Variants in GCG observed in about 807,000 individuals in gnomAD.
GCG encodes pro-glucagon.
Under a neutral mutation model 22.8 loss-of-function variants are expected in GCG, and 11 were observed. The observed-to-expected ratio is 0.48, with a 90% CI of 0.30 to 0.80. The LOEUF (loss-of-function observed/expected upper bound fraction) is 0.80, where lower values mean the gene tolerates loss of function less well. GCG is among the 30% of genes least tolerant of loss of function. The probability of loss-of-function intolerance (pLI) is 0.06; values close to 1 mark genes in which losing one functional copy is unlikely to be tolerated. For missense variants in GCG, 222 were observed against 222.0 expected (o/e 1.00, Z 0.00); for synonymous variants, 89 against 72.4 (o/e 1.23, Z -1.16).
In GCG at chr2:162,147,609, A is replaced by G. The variant is rs1302337254; in HGVS notation, c.93-95T>C. The G allele has an allele frequency of 3.8e-6, 4 of 1,051,114 alleles. No homozygotes were observed. In the East Asian group the frequency reaches 9.5e-5, roughly 25 times the overall value. The allele number at this position is 1,051,114 out of a possible 1,614,324, so 65.1% of individuals were successfully genotyped here. ...ACTACAAAATACAAGACCATATAAAACAGTAAGGCAGGCATCTAGAGTATT... is the reference window on the plus strand; with the variant it reads ...ACTACAAAATACAAGACCATATAAAGCAGTAAGGCAGGCATCTAGAGTATT... On this transcript the variant is annotated intron_variant, in intron 2 of 5. Transcript: ENST00000418842.
chr2:162,149,372 G>A, intron 1 of GCG, among the ~76,000 whole-genome samples, 185 bp from the exon 2 acceptor site: 1 of 152,040 alleles, frequency 6.6e-6, no homozygotes, highest in Non-Finnish European at 1.5e-5. Context: ...TATTTCCCCA[G>A]ATTTTTTGGA....
intron 2 of GCG, among the ~76,000 whole-genome samples, chr2:162,147,889 T>C (rs909548610): frequency 6.6e-6 from 1 of 152,130 alleles, no homozygotes; most frequent in Admixed American, 6.6e-5. Flanking sequence ...GGGCAGCAGA[T>C]TTAAGCTCCC....
chr2:162,144,086 A>G lies in GCG; in HGVS notation c.477T>C (p.Leu159=). 6.2e-7 allele frequency: 1 copy of G among 1,612,990 alleles called. No individual in the cohort carries two copies. Among genetic ancestry groups the G allele is most frequent in the East Asian group, 2.2e-5 (1 of 44,860 alleles). ...TAAAGTCCCTGGCGGCAAGATTATCAAGAATGGTGTTCATCTCATCAGAGA... is the reference window on the plus strand; with the variant it reads ...TAAAGTCCCTGGCGGCAAGATTATCGAGAATGGTGTTCATCTCATCAGAGA... ...GSFSDEMNTI[L]DNLAARDFIN... The change falls in exon 5 of 6, where the codon CTT becomes CTC. Residue 159 remains leucine, a synonymous_variant. Coordinates refer to ENST00000418842, the MANE Select transcript of GCG (RefSeq NM_002054.5).
At chr2:162,144,356 T>C in intron 4 of GCG, 186 bp from the exon 5 acceptor site, 4 of 575,596 alleles carry the variant, frequency 6.9e-6, no homozygotes, top group Non-Finnish European at 1.2e-5. Context: ...AAAGAGAAAG[T>C]AGCAGAGCTG....
chr2:162,149,131 T>C lies in GCG; in HGVS notation c.48A>G (p.Gln16=), dbSNP rs1019076633. Residue 16 remains glutamine, a synonymous_variant, in exon 2 of 6, where the codon CAA becomes CAG. Transcript: ENST00000418842. The part of the protein sequence containing the change: ...FVAGLFVMLV[Q]GSWQRSLQDT... ...CTTGAAGGGAACGTTGCCAGCTGCC[T>C]TGTACCAGCATTACAAATAATCCAG... The C allele has an allele frequency of 5.6e-6, 9 of 1,612,594 alleles. No homozygotes were observed. The highest frequency in any genetic ancestry group is 7.6e-6 in the Non-Finnish European group (9 of 1,178,970).
In GCG at chr2:162,144,123, G is replaced by A. The variant is rs925388881; in HGVS notation, c.440C>T (p.Ala147Val). 2 of 1,611,234 alleles carry A rather than the reference G, an allele frequency of 1.2e-6. No homozygotes were observed. Among genetic ancestry groups the A allele is most frequent in the Non-Finnish European group, 1.7e-6 (2 of 1,177,452 alleles). The stretch of plus-strand genomic sequence containing the variant: ...CATCTCATCAGAGAAAGAACCATCA[G>A]CATGTCTGCGGCCAAGTTCTTCAAC... ...AIVEELGRRH[A>V]DGSFSDEMNT... Residue 147 changes from alanine to valine, a missense_variant, in exon 5 of 6, where the codon GCT becomes GTT. Transcript: ENST00000418842.
intron 2 of GCG, 186 bp from the exon 3 acceptor site, chr2:162,147,700 G>A (rs567680590): frequency 2.9e-6 from 2 of 701,178 alleles, no homozygotes; most frequent in African/African-American, 3.5e-5. Flanking sequence ...TAGTATAGTT[G>A]CATACGCTAT....
Position 162,147,401 on chromosome 2 carries a change from C to G in GCG, c.206G>C (p.Arg69Thr), listed in dbSNP as rs1240233997. Residue 69 changes from arginine (R) to threonine (T), a missense_variant, in exon 3 of 6, where the codon AGG (arginine) becomes ACG (threonine). Arg to Thr is a moderately conservative substitution (Grantham distance 71). Coordinates refer to ENST00000418842, the MANE Select transcript of GCG (RefSeq NM_002054.5). Reference protein sequence around the residue: ...TSDYSKYLDSRRAQDFVQWLM... With the variant: ...TSDYSKYLDSTRAQDFVQWLM... Reference sequence around the variant, plus strand: ...CCACTGCACAAAATCTTGGGCACGCCTGGAGTCCAGATACTTGCTGTAGTC... The same window carrying G: ...CCACTGCACAAAATCTTGGGCACGCGTGGAGTCCAGATACTTGCTGTAGTC... 1 of 1,613,314 alleles carries G rather than the reference C, an allele frequency of 6.2e-7. No individual in the cohort carries two copies. The highest frequency in any genetic ancestry group is 8.5e-7 in the Non-Finnish European group (1 of 1,179,388).
chr2:162,147,294 A>G lies in GCG; in HGVS notation c.254+59T>C, dbSNP rs896832134. The G allele has an allele frequency of 2.2e-5, 28 of 1,264,028 alleles. 1 individual carries two copies. The Middle Eastern group carries it at 5.8e-4, about 26-fold the overall frequency. The allele number at this position is 1,264,028 out of a possible 1,614,324, so 78.3% of individuals were successfully genotyped here. ...ATAAGAACTTAATAATGTCAAGAGAAATTTTAGACCTATTTAATACATTTA... is the reference window on the plus strand; with the variant it reads ...ATAAGAACTTAATAATGTCAAGAGAGATTTTAGACCTATTTAATACATTTA... On this transcript the variant is annotated intron_variant, in intron 3 of 5. Transcript: ENST00000418842.
chr2:162,147,839 G>C (rs1332145748), intron 2 of GCG, among the ~76,000 whole-genome samples: 1 of 152,102 alleles, frequency 6.6e-6, no homozygotes, highest in African/African-American at 2.4e-5. Flanking sequence ...GTAGTGACTT[G>C]AATATTTTAA....
chr2:162,148,929 C>A (rs1352628272), intron 2 of GCG, among the ~76,000 whole-genome samples, 158 bp downstream of exon 2: 3 of 152,112 alleles, frequency 2.0e-5, no homozygotes, highest in African/African-American at 7.2e-5. Flanking sequence ...GATCTACACT[C>A]CAACAAAGTC....
At chr2:162,145,800 TGAGG>T (rs1686669119) in intron 3 of GCG, 123 bp from the exon 4 acceptor site, 5 of 676,182 alleles carry the variant, frequency 7.4e-6, no homozygotes, top group African/African-American at 7.3e-5. Flanking sequence ...GTTTAGGAGA[TGAGG>T]GTTGCTAGGG....
chr2:162,149,223 G>T, intron 1 of GCG, 36 bp from the exon 2 acceptor site: 1 of 1,153,624 alleles, frequency 8.7e-7, no homozygotes, highest in African/African-American at 1.5e-5. Context: ...GGTGAGGGGG[G>T]CAGGCAAGGA....
intron 2 of GCG, 146 bp from the exon 3 acceptor site, chr2:162,147,660 C>T: frequency 1.3e-6 from 1 of 785,658 alleles, no homozygotes. Flanking sequence ...GAAAGATCTT[C>T]CTTAGCTTGT....
chr2:162,146,727 G>T (rs1686696603), intron 3 of GCG, among the ~76,000 whole-genome samples: 1 of 151,952 alleles, frequency 6.6e-6, no homozygotes, highest in Non-Finnish European at 1.5e-5. Context: ...CACCATCTCT[G>T]TGAAACCCTT....
chr2:162,150,510 G>A (rs2106198445), intron 1 of GCG, among the ~76,000 whole-genome samples: 1 of 152,102 alleles, frequency 6.6e-6, no homozygotes, highest in African/African-American at 2.4e-5. Context: ...AACATAATAG[G>A]AATGATATAT....
chr2:162,143,666 G>T (rs980457830), intron 5 of GCG, among the ~76,000 whole-genome samples: 7 of 152,064 alleles, frequency 4.6e-5, no homozygotes, highest in African/African-American at 1.7e-4. Flanking sequence ...AATTAAGTAT[G>T]TAATATTGTA....
chr2:162,149,504 A>G (rs1576115261), intron 1 of GCG, among the ~76,000 whole-genome samples: 1 of 152,136 alleles, frequency 6.6e-6, no homozygotes, highest in Non-Finnish European at 1.5e-5. Flanking sequence ...CACAATCAAC[A>G]TTTAAAATAC....
chr2:162,149,033 C>T (rs979190532), intron 2 of GCG, 54 bp downstream of exon 2: 7 of 1,040,496 alleles, frequency 6.7e-6, no homozygotes, highest in South Asian at 2.7e-5. Flanking sequence ...ATAGTTTTCA[C>T]AGGCTTTATT....
Sources: allele counts gnomAD v4.1 joint callset (sites outside exome capture counted in the v4.1 genomes callset), GRCh38; gene constraint gnomAD v4.1.1; transcripts MANE v1.5; gene names NCBI Gene and HGNC (gene_info 2026-07-23, HGNC 2026-07-21).